Variants in TRMT9B observed in about 807,000 individuals in gnomAD.
TRMT9B encodes probable tRNA methyltransferase 9B.
Under a neutral mutation model 11.5 loss-of-function variants are expected in TRMT9B, and 16 were observed. The observed-to-expected ratio is 1.39, with a 90% CI of 0.94 to 2.11. The LOEUF is 2.11. Ranked by LOEUF, TRMT9B falls within the 30% of genes most tolerant of loss-of-function variation. The probability of loss-of-function intolerance (pLI) is 0.00; values close to 1 mark genes in which losing one functional copy is unlikely to be tolerated. For synonymous variants in TRMT9B, 274 were observed against 192.4 expected, an observed-to-expected ratio of 1.42 and a Z score of -3.51; for missense variants, 941 against 553.8, an observed-to-expected ratio of 1.70 and a Z score of -7.02.
Position 13,012,835 on chromosome 8 carries a change from C to T in TRMT9B, c.306C>T (p.Phe102=), listed in dbSNP as rs147161360. The change falls in exon 4 of 5, where the codon TTC becomes TTT. Residue 102 remains phenylalanine, a synonymous_variant. Transcript: ENST00000524591. Reference sequence around the variant, plus strand: ...ATCTCCCCTTTAGGGATGAGGGCTTCGATGCCATCATCTCCATAGGAGGTA... The same window carrying T: ...ATCTCCCCTTTAGGGATGAGGGCTTTGATGCCATCATCTCCATAGGAGGTA... The part of the protein sequence containing the change: ...NLNLPFRDEG[F]DAIISIGVIH... 2.1e-5 allele frequency: 34 copies of T among 1,613,792 alleles called. No homozygotes were observed. The African/African-American group carries it at 2.8e-4, about 13-fold the overall frequency.
At chr8:12,972,126 A>T (rs985162395) in intron 1 of TRMT9B, among the ~76,000 whole-genome samples, 6 of 152,238 alleles carry the variant, frequency 3.9e-5, no homozygotes, top group African/African-American at 1.4e-4. Context: ...GATTAGACAG[A>T]TATTAGAGGA....
chr8:12,979,828 T>C (rs73204353), intron 1 of TRMT9B, among the ~76,000 whole-genome samples: 13,506 of 152,262 alleles, frequency 0.089, 795 homozygotes, highest in Non-Finnish European at 0.14. Flanking sequence ...ATTCTGGATA[T>C]CTTAAGCAGA....
chr8:12,981,756 C>T (rs1805432847), intron 1 of TRMT9B, among the ~76,000 whole-genome samples: 1 of 152,126 alleles, frequency 6.6e-6, no homozygotes, highest in East Asian at 1.9e-4. Context: ...TGCACCACCA[C>T]ACCCGGCTAT....
At chr8:12,972,483 C>T (rs574022230) in intron 1 of TRMT9B, among the ~76,000 whole-genome samples, 14 of 152,270 alleles carry the variant, frequency 9.2e-5, no homozygotes, top group African/African-American at 2.9e-4. Flanking sequence ...AAACAAATGC[C>T]GCTGCCAGGG....
intron 1 of TRMT9B, among the ~76,000 whole-genome samples, chr8:12,990,169 G>A (rs1807083959): frequency 6.6e-6 from 1 of 152,152 alleles, no homozygotes; most frequent in Non-Finnish European, 1.5e-5. Flanking sequence ...ATGGTTGCAG[G>A]CTGGGACTTA....
At chr8:12,971,017 A>G (rs1803540602) in intron 1 of TRMT9B, among the ~76,000 whole-genome samples, 1 of 152,186 alleles carries the variant, frequency 6.6e-6, no homozygotes, top group South Asian at 2.1e-4. Context: ...ATAGTTGTAC[A>G]TATTTTGGGG....
At chr8:13,000,315 T>C (rs780568324) in intron 2 of TRMT9B, among the ~76,000 whole-genome samples, 15 of 152,228 alleles carry the variant, frequency 9.9e-5, no homozygotes, top group Admixed American at 2.6e-4. Flanking sequence ...TAAACATTTG[T>C]GACTTCTCAG....
intron 1 of TRMT9B, among the ~76,000 whole-genome samples, chr8:12,955,604 C>T (rs1454657375): frequency 6.6e-6 from 1 of 152,230 alleles, no homozygotes; most frequent in South Asian, 2.1e-4. Flanking sequence ...CAAATAGGCA[C>T]AACCTTTGCC....
In TRMT9B at chr8:13,026,908, C is replaced by A. The variant is rs915399260; in HGVS notation, c.*4864C>A. 1 of 167,046 alleles carries A rather than the reference C, an allele frequency of 6.0e-6. No individual in the cohort carries two copies. Among genetic ancestry groups the A allele is most frequent in the Non-Finnish European group, 1.5e-5 (1 of 68,112 alleles). 10.3% of individuals were successfully genotyped at this position (167,046 alleles called of 1,614,324 possible). A position where few individuals can be genotyped will look rare whatever the true frequency, so the allele number is the denominator to read the frequency against. ...AAAAGTTTAAGCAAAGATTACACAG[C>A]TAGACAATAATTCAATAGTAGTCTC... On this transcript the variant is annotated 3_prime_UTR_variant, in exon 5 of 5. Coordinates refer to ENST00000524591, the MANE Select transcript of TRMT9B (RefSeq NM_020844.3).
chr8:13,004,537 C>G (rs910696847), intron 2 of TRMT9B, among the ~76,000 whole-genome samples: 1 of 152,018 alleles, frequency 6.6e-6, no homozygotes, highest in Non-Finnish European at 1.5e-5. Context: ...CCCTACCCCC[C>G]AGATGATATT....
In TRMT9B at chr8:13,005,100, AG is replaced by A. The variant is rs199702810; in HGVS notation, c.-1-1101del. Among the ~76,000 whole-genome samples the A allele has an allele frequency of 9.2e-3, 1,389 of 150,962 alleles. 24 individuals are homozygous for A. The highest frequency in any genetic ancestry group is 0.033 in the African/African-American group (1,335 of 40,578). On this transcript the variant is annotated intron_variant, in intron 2 of 4. Coordinates refer to ENST00000524591, the MANE Select transcript of TRMT9B (RefSeq NM_020844.3). ...GACTGCATCTCAAAAAAAAAAAAAA[AG>A]AAAAAGAAAAGAAAAGAAATCCTGT...
chr8:13,012,939 G>T, intron 4 of TRMT9B, 82 bp downstream of exon 4: 1 of 1,461,140 alleles, frequency 6.8e-7, no homozygotes, highest in Non-Finnish European at 9.1e-7. Context: ...CTCAACATCC[G>T]TTCTGTGTAG....
At chr8:13,020,960 G>A in intron 4 of TRMT9B, 48 bp from the exon 5 acceptor site, 1 of 1,289,504 alleles carries the variant, frequency 7.8e-7, no homozygotes, top group Non-Finnish European at 1.1e-6. Flanking sequence ...TACGTGTGTG[G>A]GTTTATGTGT....
chr8:12,954,467 T>A (rs1801042415), intron 1 of TRMT9B, among the ~76,000 whole-genome samples: 1 of 152,244 alleles, frequency 6.6e-6, no homozygotes, highest in Non-Finnish European at 1.5e-5. Context: ...GTTTACTACA[T>A]GTCACTGTTC....
intron 2 of TRMT9B, among the ~76,000 whole-genome samples, chr8:13,003,385 C>G (rs1445431140): frequency 6.6e-6 from 1 of 152,164 alleles, no homozygotes; most frequent in African/African-American, 2.4e-5. Context: ...TGCTCTTGTG[C>G]TTTTCTTACT....
At chr8:12,989,583 CT>C (rs1270095700) in intron 1 of TRMT9B, among the ~76,000 whole-genome samples, 1 of 152,078 alleles carries the variant, frequency 6.6e-6, no homozygotes, top group Non-Finnish European at 1.5e-5. Flanking sequence ...CCTTTGGTGG[CT>C]TATCTGAGGG....
intron 2 of TRMT9B, among the ~76,000 whole-genome samples, chr8:13,002,471 G>C (rs914592956): frequency 6.6e-6 from 1 of 152,194 alleles, no homozygotes; most frequent in Non-Finnish European, 1.5e-5. Context: ...GTAAATTTCA[G>C]TTGAAGGTGC....
At chr8:13,010,491 A>G (rs967483468) in intron 3 of TRMT9B, 1 of 984,370 alleles carries the variant, frequency 1.0e-6, no homozygotes, top group African/African-American at 1.7e-5. Context: ...AATAGTTTGG[A>G]TTAAAAAATA....
chr8:13,021,544 C>T lies in TRMT9B; in HGVS notation c.865C>T (p.His289Tyr). 1.9e-6 allele frequency: 3 copies of T among 1,613,806 alleles called. No homozygotes were observed. Among genetic ancestry groups the T allele is most frequent in the Non-Finnish European group, 2.5e-6 (3 of 1,179,766 alleles). ...CACTGTAACAGTCCAGCCTTCCAGA[C>T]ACTCTAGTTTAGACTTTGATCACCA... is the stretch of plus-strand genomic sequence containing the variant. Reference protein sequence around the residue: ...SSTVTVQPSRHSSLDFDHQEP... With the variant: ...SSTVTVQPSRYSSLDFDHQEP... Residue 289 changes from histidine to tyrosine, a missense_variant, in exon 5 of 5, where the codon CAC becomes TAC. By Grantham distance (83) the His-to-Tyr change is moderately conservative (BLOSUM62 2). Transcript: ENST00000524591.
Sources: allele counts gnomAD v4.1 joint callset (sites outside exome capture counted in the v4.1 genomes callset), GRCh38; gene constraint gnomAD v4.1.1; transcripts MANE v1.5; gene names NCBI Gene and HGNC (gene_info 2026-07-23, HGNC 2026-07-21).